The following SNRPA variants were observed in gnomAD, a reference collection of about 807,000 sequenced individuals.
SNRPA encodes small nuclear ribonucleoprotein polypeptide A.
A neutral mutation model predicts 24.5 loss-of-function variants in SNRPA; 10 were observed. The observed-to-expected ratio is 0.41, with a 90% CI of 0.25 to 0.69. SNRPA has a LOEUF of 0.69. Among genes scored for constraint, SNRPA ranks in the 30% least tolerant of loss-of-function variants. The pLI is 0.33. For synonymous variants in SNRPA, 165 were observed against 148.4 expected (o/e 1.11, Z -0.81); for missense variants, 283 against 394.7 (o/e 0.72, Z 2.40).
chr19:40,758,372 A>G lies in SNRPA; in HGVS notation c.246+868A>G, dbSNP rs541012157. Among the ~76,000 whole-genome samples, 9 of 152,292 alleles carry G rather than the reference A, an allele frequency of 5.9e-5. No individual in the cohort carries two copies. The South Asian group carries it at 1.9e-3, about 32-fold the overall frequency. On this transcript the variant is annotated intron_variant, in intron 2 of 5. Coordinates refer to ENST00000243563, the MANE Select transcript of SNRPA (RefSeq NM_004596.5). ...CCCAGAGCCTTGAATGGCGCCTGGC[A>G]TCTGGCAGGTTCTCCTTAAACAGCT... is the stretch of plus-strand genomic sequence containing the variant.
chr19:40,757,598 T>C (rs546267440), intron 2 of SNRPA, 94 bp downstream of exon 2: 1 of 1,229,032 alleles, frequency 8.1e-7, no homozygotes, highest in African/African-American at 1.5e-5. Flanking sequence ...TACGGTTCAT[T>C]TGCCAAGGTG....
At position 40,759,389 on chromosome 19, in the gene SNRPA, C is replaced by G. The variant is rs753311829; in HGVS notation, c.247-42C>G. 1.9e-6 allele frequency: 3 copies of G among 1,544,172 alleles called. No homozygotes were observed. The South Asian group carries it at 3.6e-5, about 18-fold the overall frequency. Reference sequence around the variant, plus strand: ...AATTTTGAATCTTGGCAATTGGGCTCTGAATCCACGCTCTTAACCCGTTCT... The same window carrying G: ...AATTTTGAATCTTGGCAATTGGGCTGTGAATCCACGCTCTTAACCCGTTCT... On this transcript the variant is annotated intron_variant, in intron 2 of 5. Transcript: ENST00000243563.
intron 1 of SNRPA, among the ~76,000 whole-genome samples, chr19:40,753,428 A>C (rs1397691571): frequency 2.2e-5 from 2 of 91,140 alleles, no homozygotes; most frequent in Admixed American, 1.8e-4. Flanking sequence ...GCAGAGTTTC[A>C]CTCTGTCACC....
At position 40,760,423 on chromosome 19, in the gene SNRPA, G is replaced by C. The variant is rs560042205; in HGVS notation, c.426+813G>C. Among the ~76,000 whole-genome samples, 47 of 152,346 alleles carry C rather than the reference G, an allele frequency of 3.1e-4. No individual in the cohort carries two copies. In the South Asian group the frequency reaches 8.9e-3, roughly 29 times the overall value. On this transcript the variant is annotated intron_variant, in intron 3 of 5. Transcript: ENST00000243563. Reference sequence around the variant, plus strand: ...GACTACACTGAAATCACAGAATGTAGCTGGGAGAAATCAGAGACTCAGCAA... The same window carrying C: ...GACTACACTGAAATCACAGAATGTACCTGGGAGAAATCAGAGACTCAGCAA...
At chr19:40,757,216 A>C in intron 1 of SNRPA, 116 bp from the exon 2 acceptor site, 1 of 925,082 alleles carries the variant, frequency 1.1e-6, no homozygotes, top group Non-Finnish European at 1.7e-6. Context: ...TTAGGTCTTG[A>C]GAGATTATGG....
At chr19:40,764,881 A>G (rs2082947674) in intron 5 of SNRPA, 127 bp from the exon 6 acceptor site, 9 of 855,406 alleles carry the variant, frequency 1.1e-5, no homozygotes, top group Non-Finnish European at 1.4e-5. Flanking sequence ...GGGCTGGATA[A>G]TTCTGAGTAA....
At chr19:40,752,000 A>G (rs1231020465) in intron 1 of SNRPA, among the ~76,000 whole-genome samples, 4 of 152,174 alleles carry the variant, frequency 2.6e-5, no homozygotes, top group Admixed American at 2.6e-4. Context: ...TCTCACAACA[A>G]TCTTGTAGGA....
intron 1 of SNRPA, among the ~76,000 whole-genome samples, chr19:40,753,472 C>CTA (rs550259054): frequency 1.5e-4 from 18 of 123,138 alleles, no homozygotes; most frequent in African/African-American, 5.1e-4. Flanking sequence ...TCTTGGCTCA[C>CTA]TACAACCTCT....
intron 1 of SNRPA, among the ~76,000 whole-genome samples, chr19:40,753,797 ATTTAT>A (rs2082896271): frequency 6.7e-6 from 1 of 149,738 alleles, no homozygotes; most frequent in East Asian, 2.0e-4. Context: ...ATCTTATTTT[ATTTAT>A]TTATTTATTT....
intron 3 of SNRPA, among the ~76,000 whole-genome samples, chr19:40,761,458 C>CTTTTTCTTTTTT (rs1204455823): frequency 2.0e-4 from 17 of 85,862 alleles, no homozygotes; most frequent in African/African-American, 6.9e-4. Flanking sequence ...TTTTCTTTTT[C>CTTTTTCTTTTTT]TTTTTTTTTT....
At chr19:40,751,922 A>G (rs561905894) in intron 1 of SNRPA, among the ~76,000 whole-genome samples, 10 of 152,322 alleles carry the variant, frequency 6.6e-5, no homozygotes, top group African/African-American at 2.4e-4. Flanking sequence ...ATGTACCATA[A>G]TGGTGGCTAA....
At chr19:40,762,754 T>C in intron 3 of SNRPA, 147 bp from the exon 4 acceptor site, 1 of 692,412 alleles carries the variant, frequency 1.4e-6, no homozygotes, top group South Asian at 1.9e-5. Flanking sequence ...GGGTTTGTTT[T>C]GCTCTGTCGG....
chr19:40,758,854 G>A (rs2082919123), intron 2 of SNRPA: 2 of 152,182 alleles, frequency 1.3e-5, no homozygotes, highest in South Asian at 4.2e-4. Context: ...AGCCTCTTGA[G>A]TAGCTGGGAC....
At chr19:40,751,815 G>C (rs2082869112) in intron 1 of SNRPA, among the ~76,000 whole-genome samples, 1 of 152,042 alleles carries the variant, frequency 6.6e-6, no homozygotes, top group Non-Finnish European at 1.5e-5. Context: ...AGCTGTCGTG[G>C]GGCTCTCTCT....
chr19:40,763,290 G>A, intron 4 of SNRPA: 4 of 595,368 alleles, frequency 6.7e-6, no homozygotes, highest in Non-Finnish European at 1.2e-5. Context: ...CTGGAGTGGT[G>A]CCAGCACCTA....
chr19:40,753,617 G>A (rs2082895359), intron 1 of SNRPA, among the ~76,000 whole-genome samples: 3 of 150,848 alleles, frequency 2.0e-5, no homozygotes, highest in Admixed American at 6.6e-5. Context: ...GGCTTTTCTC[G>A]AACTCCTGAC....
At chr19:40,761,827 A>C (rs1160891740) in intron 3 of SNRPA, among the ~76,000 whole-genome samples, 1 of 152,166 alleles carries the variant, frequency 6.6e-6, no homozygotes, top group Non-Finnish European at 1.5e-5. Context: ...TGGTGAGGGC[A>C]TGAAAAGTGG....
rs897810 is a variant in SNRPA at position 40,759,866 on chromosome 19, G to A, written c.426+256G>A. On this transcript the variant is annotated intron_variant, in intron 3 of 5. Transcript: ENST00000243563. ...TTCTTCATGGCTATGACTTGGTTTC[G>A]CTCTCTCCGTGGCCTTGATTTTGTC... Among the ~76,000 whole-genome samples the A allele has an allele frequency of 4.1e-3, 621 of 152,056 alleles. 2 individuals carry two copies. The highest frequency in any genetic ancestry group is 0.013 in the African/African-American group (545 of 41,458).
At position 40,759,575 on chromosome 19, in the gene SNRPA, A is replaced by T; in HGVS notation, c.391A>T (p.Thr131Ser). The change falls in exon 3 of 6, where the codon ACC becomes TCC. Residue 131 changes from threonine to serine, a missense_variant. This residue lies in a region of SNRPA where 167 missense variants were observed against 174.3 expected (regional missense o/e 0.96). Transcript: ENST00000243563. ...TKKAVQGGGA[T>S]PVVGAVQGPV... ...GAAGGCTGTGCAAGGCGGGGGAGCC[A>T]CCCCCGTGGTGGGGGCTGTCCAGGG... The T allele has an allele frequency of 6.2e-7, 1 of 1,612,588 alleles. No individual in the cohort carries two copies. The highest frequency in any genetic ancestry group is 2.2e-5 in the East Asian group (1 of 44,790).
Sources: allele counts gnomAD v4.1 joint callset (sites outside exome capture counted in the v4.1 genomes callset), GRCh38; gene constraint gnomAD v4.1.1; regional missense constraint gnomAD v4.1.1; transcripts MANE v1.5; gene names NCBI Gene and HGNC (gene_info 2026-07-23, HGNC 2026-07-21).